Variants in TMEM131L observed in about 807,000 individuals in gnomAD.
The protein encoded by TMEM131L is transmembrane 131 like.
Under a neutral mutation model 192.2 loss-of-function variants are expected in TMEM131L, and 54 were observed. That is an observed-to-expected ratio of 0.28 (90% CI 0.23 to 0.35). TMEM131L has a LOEUF of 0.35. TMEM131L is among the 10% of genes least tolerant of loss of function. TMEM131L has a pLI of 1.00. For synonymous variants in TMEM131L, 701 were observed against 704.9 expected (o/e 0.99, Z 0.09); for missense variants, 1,888 against 1,972.9 (o/e 0.96, Z 0.82).
At chr4:153,494,136 C>CTA (rs2149916532) in intron 3 of TMEM131L, among the ~76,000 whole-genome samples, 1 of 152,106 alleles carries the variant, frequency 6.6e-6, no homozygotes, top group South Asian at 2.1e-4. Flanking sequence ...CCAGTAGTAC[C>CTA]TATCTCGTAA....
At chr4:153,497,781 A>T (rs1180384466) in intron 3 of TMEM131L, among the ~76,000 whole-genome samples, 1 of 150,668 alleles carries the variant, frequency 6.6e-6, no homozygotes, top group East Asian at 1.9e-4. Flanking sequence ...TTTATCATAG[A>T]CTATACTCTT....
chr4:153,592,125 A>C (rs781694330), intron 17 of TMEM131L, among the ~76,000 whole-genome samples: 56 of 152,270 alleles, frequency 3.7e-4, no homozygotes, highest in Non-Finnish European at 6.9e-4. Flanking sequence ...GTAAATATAT[A>C]CAGCATATAT....
At chr4:153,492,141 A>G (rs531924858) in intron 3 of TMEM131L, among the ~76,000 whole-genome samples, 2 of 151,702 alleles carry the variant, frequency 1.3e-5, no homozygotes, top group Non-Finnish European at 2.9e-5. Context: ...AGTGGGGACT[A>G]TTGGTCCATG....
intron 29 of TMEM131L, among the ~76,000 whole-genome samples, chr4:153,625,164 C>T (rs902480932): frequency 1.3e-5 from 2 of 152,170 alleles, no homozygotes; most frequent in African/African-American, 4.8e-5. Context: ...GCAATCCCAG[C>T]ACTTTGGGAG....
At chr4:153,529,288 A>G (rs971683922) in intron 3 of TMEM131L, among the ~76,000 whole-genome samples, 3 of 152,224 alleles carry the variant, frequency 2.0e-5, no homozygotes. Context: ...GGTACACAGC[A>G]TACTTCTAAA....
At chr4:153,470,850 C>T (rs1212686550) in intron 2 of TMEM131L, among the ~76,000 whole-genome samples, 1 of 152,240 alleles carries the variant, frequency 6.6e-6, no homozygotes. Context: ...ATGTCCAACA[C>T]GTATCTGTTG....
Position 153,604,214 on chromosome 4 carries a change from A to G in TMEM131L, c.3202A>G (p.Ser1068Gly), listed in dbSNP as rs1403082565. The G allele has an allele frequency of 1.2e-6, 2 of 1,613,998 alleles. No homozygotes were observed. Among genetic ancestry groups the G allele is most frequent in the African/African-American group, 2.7e-5 (2 of 74,926 alleles). The change falls in exon 25 of 35, where the codon AGT becomes GGT. Residue 1068 changes from serine (S) to glycine (G), a missense_variant. Ser to Gly is a moderately conservative substitution (Grantham distance 56). Coordinates refer to ENST00000409959, the MANE Select transcript of TMEM131L (RefSeq NM_001131007.2). ...ENTLKNTIVF[S>G]NPSSECSMKE... ...CACACTGAAAAACACAATTGTTTTCAGTAATCCTTCTTCAGAATGTAGTAT... is the reference window on the plus strand; with the variant it reads ...CACACTGAAAAACACAATTGTTTTCGGTAATCCTTCTTCAGAATGTAGTAT...
At chr4:153,585,126 C>A (rs778194026) in intron 12 of TMEM131L, among the ~76,000 whole-genome samples, 195 bp downstream of exon 12, 1 of 152,188 alleles carries the variant, frequency 6.6e-6, no homozygotes. Context: ...TGAAATAATT[C>A]AGTTTATGAA....
At chr4:153,534,578 C>T (rs566804677) in intron 3 of TMEM131L, among the ~76,000 whole-genome samples, 4 of 152,148 alleles carry the variant, frequency 2.6e-5, no homozygotes, top group African/African-American at 4.8e-5. Context: ...GGACTACAGG[C>T]GTGTGCTACC....
rs150395573 is a variant in TMEM131L, at chr4:153,480,040, A to G, written c.239+6152A>G. Among the ~76,000 whole-genome samples the G allele has an allele frequency of 8.3e-3, 1,265 of 152,308 alleles. 18 individuals are homozygous for G. The highest frequency in any genetic ancestry group is 0.028 in the African/African-American group (1,184 of 41,580). On this transcript the variant is annotated intron_variant, in intron 3 of 34. Coordinates refer to ENST00000409959, the MANE Select transcript of TMEM131L (RefSeq NM_001131007.2). Reference sequence around the variant, plus strand: ...GCCAAAATAGTGAAACACCGTCTCTACTAAAAATACAAAAATAGGCTGGGC... The same window carrying G: ...GCCAAAATAGTGAAACACCGTCTCTGCTAAAAATACAAAAATAGGCTGGGC...
chr4:153,519,725 A>G (rs1734975317), intron 3 of TMEM131L, among the ~76,000 whole-genome samples: 1 of 152,228 alleles, frequency 6.6e-6, no homozygotes, highest in South Asian at 2.1e-4. Flanking sequence ...CACAGGCTTG[A>G]GGGTCAAGCT....
At chr4:153,631,307 C>A (rs1734192573) in intron 31 of TMEM131L, among the ~76,000 whole-genome samples, 1 of 152,220 alleles carries the variant, frequency 6.6e-6, no homozygotes, top group Non-Finnish European at 1.5e-5. Flanking sequence ...GATAAAGTTT[C>A]CCTAGAGGGG....
intron 3 of TMEM131L, among the ~76,000 whole-genome samples, chr4:153,480,708 T>G (rs1190137775): frequency 6.6e-6 from 1 of 152,182 alleles, no homozygotes; most frequent in Non-Finnish European, 1.5e-5. Context: ...TTTTTATGGC[T>G]ACACAGCAGT....
intron 6 of TMEM131L, among the ~76,000 whole-genome samples, chr4:153,557,347 C>T (rs1443218132): frequency 6.6e-6 from 1 of 152,186 alleles, no homozygotes. Context: ...CAATCTGTCA[C>T]ACAGTTTCCC....
intron 3 of TMEM131L, among the ~76,000 whole-genome samples, chr4:153,545,629 C>T (rs754127826): frequency 2.6e-5 from 4 of 151,648 alleles, no homozygotes; most frequent in Non-Finnish European, 5.9e-5. Flanking sequence ...AAAATGTGGC[C>T]AAAGTTTTTA....
chr4:153,573,537 G>A (rs1354627271), intron 7 of TMEM131L, among the ~76,000 whole-genome samples: 1 of 152,238 alleles, frequency 6.6e-6, no homozygotes, highest in Non-Finnish European at 1.5e-5. Context: ...AGCCCAGGTT[G>A]TAATAGTTAA....
At chr4:153,563,942 G>A (rs1421943507) in intron 7 of TMEM131L, among the ~76,000 whole-genome samples, 1 of 152,048 alleles carries the variant, frequency 6.6e-6, no homozygotes, top group Non-Finnish European at 1.5e-5. Context: ...GGGCCCTTGC[G>A]AGGTGACCAG....
rs556535468 is a variant in TMEM131L at position 153,484,037 on chromosome 4, T to A, written c.239+10149T>A. On this transcript the variant is annotated intron_variant, in intron 3 of 34. Coordinates refer to ENST00000409959, the MANE Select transcript of TMEM131L (RefSeq NM_001131007.2). Reference sequence around the variant, plus strand: ...TAAGAAGGTAGCAGAGCTTGGAGTTTCCAGGCTCAAAGGAGAAATTTCCCA... The same window carrying A: ...TAAGAAGGTAGCAGAGCTTGGAGTTACCAGGCTCAAAGGAGAAATTTCCCA... 5.9e-5 allele frequency among the ~76,000 whole-genome samples: 9 copies of A among 152,308 alleles called. No individual in the cohort carries two copies. In the East Asian group the frequency reaches 1.7e-3, roughly 29 times the overall value.
chr4:153,559,090 T>G (rs1042106422), intron 7 of TMEM131L, among the ~76,000 whole-genome samples: 2 of 152,212 alleles, frequency 1.3e-5, no homozygotes, highest in Non-Finnish European at 2.9e-5. Flanking sequence ...TCAGTACCAT[T>G]AGTACCTGGG....
Sources: gnomAD v4.1 joint callset for allele counts (sites outside exome capture counted in the v4.1 genomes callset) on GRCh38, gnomAD v4.1.1 for gene constraint, MANE v1.5 for transcripts, NCBI Gene and HGNC (gene_info 2026-07-23, HGNC 2026-07-21) for gene names.